Variants in SLC3A1 observed in about 807,000 individuals in gnomAD.
SLC3A1 encodes the protein amino acid transporter heavy chain SLC3A1.
SLC3A1 carries 78 observed loss-of-function variants against 60.3 expected under a neutral mutation model. That is an observed-to-expected ratio of 1.29 (90% CI 1.08 to 1.56). The LOEUF (loss-of-function observed/expected upper bound fraction) is 1.56, where lower values mean the gene tolerates loss of function less well. SLC3A1 is among the 40% of genes most tolerant of loss of function. The probability of loss-of-function intolerance (pLI) is 0.00; values close to 1 mark genes in which losing one functional copy is unlikely to be tolerated. For missense variants in SLC3A1, 1,172 were observed against 858.9 expected, an observed-to-expected ratio of 1.36 and a Z score of -4.56; for synonymous variants, 392 against 307.9, an observed-to-expected ratio of 1.27 and a Z score of -2.86.
In SLC3A1 at chr2:44,313,809, TTTCCCTTTC is replaced by T; in HGVS notation, c.1501-24_1501-16del. ...TTTCTTCTAATAACCAAACCACTGT[TTTCCCTTTC>T]TGGTCTTTTGACATAGAATACCCTT... On this transcript the variant is annotated splice_polypyrimidine_tract_variant and intron_variant, in intron 8 of 9. Transcript: ENST00000260649. 6.5e-7 allele frequency: 1 copy of T among 1,550,230 alleles called. No individual in the cohort carries two copies. The highest frequency in any genetic ancestry group is 8.9e-7 in the Non-Finnish European group (1 of 1,121,748).
At position 44,275,626 on chromosome 2, in the gene SLC3A1, C is replaced by T. The variant is rs938605477; in HGVS notation, c.91C>T (p.Leu31=). The change falls in exon 1 of 10, where the codon CTG becomes TTG. Residue 31 remains leucine (L), a synonymous_variant. Coordinates refer to ENST00000260649, the MANE Select transcript of SLC3A1 (RefSeq NM_000341.4). ...NNGFVHNEDI[L]EQTPDPGSST... ...CGGGTTTGTCCATAATGAAGACATT[C>T]TGGAGCAGACCCCGGATCCAGGAAG... 2 of 1,613,810 alleles carry T rather than the reference C, an allele frequency of 1.2e-6. No homozygotes were observed. The highest frequency in any genetic ancestry group is 1.1e-5 in the South Asian group (1 of 91,052).
chr2:44,320,520 A>G lies in SLC3A1; in HGVS notation c.1939A>G (p.Ile647Val), dbSNP rs1474623011. ...TTTTCTGGACAAGGGAGAGGGACTC[A>G]TCTTTGAACACAACACGAAGAATCT... Reference protein sequence around the residue: ...GIFLDKGEGLIFEHNTKNLLH... With the variant: ...GIFLDKGEGLVFEHNTKNLLH... The change falls in exon 10 of 10, where the codon ATC becomes GTC. Residue 647 changes from isoleucine to valine, a missense_variant. By Grantham distance (29) the Ile-to-Val change is conservative (BLOSUM62 3). Coordinates refer to ENST00000260649, the MANE Select transcript of SLC3A1 (RefSeq NM_000341.4). The G allele has an allele frequency of 8.7e-6, 14 of 1,614,052 alleles. No homozygotes were observed. Among genetic ancestry groups the G allele is most frequent in the Non-Finnish European group, 1.1e-5 (13 of 1,179,986 alleles).
chr2:44,288,539 G>T (rs1671667984), intron 4 of SLC3A1, among the ~76,000 whole-genome samples: 1 of 152,176 alleles, frequency 6.6e-6, no homozygotes, highest in South Asian at 2.1e-4. Flanking sequence ...CCTGGTAGGT[G>T]TCTGTATCTG....
At chr2:44,303,974 C>T (rs1672085387) in intron 6 of SLC3A1, 169 bp from the exon 7 acceptor site, 1 of 693,156 alleles carries the variant, frequency 1.4e-6, no homozygotes, top group African/African-American at 1.8e-5. Context: ...TTAATCCAGT[C>T]TAACATTTGG....
At chr2:44,308,658 A>G (rs539534162) in intron 7 of SLC3A1, among the ~76,000 whole-genome samples, 8 of 152,172 alleles carry the variant, frequency 5.3e-5, no homozygotes, top group Admixed American at 5.2e-4. Context: ...AGATTTGTGT[A>G]TATTGATCTT....
chr2:44,315,700 A>C (rs1475523083), intron 9 of SLC3A1, among the ~76,000 whole-genome samples: 1 of 150,508 alleles, frequency 6.6e-6, no homozygotes, highest in Non-Finnish European at 1.5e-5. Flanking sequence ...TGGGAGTCTA[A>C]AACATACAGG....
At chr2:44,296,589 CT>C (rs1363805811) in intron 4 of SLC3A1, among the ~76,000 whole-genome samples, 2 of 152,164 alleles carry the variant, frequency 1.3e-5, no homozygotes, top group Admixed American at 6.5e-5. Context: ...TTGATTCAAG[CT>C]TCACCATTCA....
intron 9 of SLC3A1, 193 bp from the exon 10 acceptor site, chr2:44,320,006 C>G (rs1672787837): frequency 1.7e-6 from 1 of 587,466 alleles, no homozygotes; most frequent in Non-Finnish European, 3.0e-6. Flanking sequence ...AAGCCGAAAC[C>G]CCGAATTTGT....
At position 44,277,103 on chromosome 2, in the gene SLC3A1, C is replaced by CTTCTTTTTTT. The variant is rs1465413757; in HGVS notation, c.430+1140_430+1141insCTTTTTTTTT. 2.3e-3 allele frequency among the ~76,000 whole-genome samples: 217 copies of CTTCTTTTTTT among 94,776 alleles called. 1 individual carries two copies. Among genetic ancestry groups the CTTCTTTTTTT allele is most frequent in the Non-Finnish European group, 3.8e-3 (170 of 44,734 alleles). The allele number at this position is 94,776 out of a possible 152,430, so 62.2% of individuals were successfully genotyped here. A position where few individuals can be genotyped will look rare whatever the true frequency, so the allele number is the denominator to read the frequency against. On this transcript the variant is annotated intron_variant, in intron 1 of 9. Coordinates refer to ENST00000260649, the MANE Select transcript of SLC3A1 (RefSeq NM_000341.4). ...TCACGCTCCTATCATTCTCTCTCTTCTTTTTTTTTTTTTTTTTTTTTGTGA... is the reference window on the plus strand; with the variant it reads ...TCACGCTCCTATCATTCTCTCTCTTCTTCTTTTTTTTTTTTTTTTTTTTTTTTTTTTGTGA...
At chr2:44,314,139 C>T (rs1325101086) in intron 9 of SLC3A1, 188 bp downstream of exon 9, 7 of 1,365,324 alleles carry the variant, frequency 5.1e-6, no homozygotes, top group East Asian at 5.0e-5. Context: ...CAAACTGGTA[C>T]AAATCTACCA....
Position 44,313,947 on chromosome 2 carries a change from T to C in SLC3A1, c.1613T>C (p.Val538Ala), listed in dbSNP as rs772556641. 4.0e-5 allele frequency: 64 copies of C among 1,613,960 alleles called. No homozygotes were observed. Among genetic ancestry groups the C allele is most frequent in the African/African-American group, 5.3e-5 (4 of 74,940 alleles). ...PTNSDYHTVNVDVQKTQPRSA... is the reference protein window; with the variant it reads ...PTNSDYHTVNADVQKTQPRSA... ...AATTCAGATTACCACACTGTGAATG[T>C]TGATGTAAGTATCAGTGAAAATTTT... is the stretch of plus-strand genomic sequence containing the variant. The change falls in exon 9 of 10, where the codon GTT becomes GCT. Residue 538 changes from valine to alanine, a missense_variant. Coordinates refer to ENST00000260649, the MANE Select transcript of SLC3A1 (RefSeq NM_000341.4).
downstream of SLC3A1, chr2:44,321,778 A>G: frequency 6.2e-7 from 1 of 1,613,704 alleles, no homozygotes; most frequent in Non-Finnish European, 8.5e-7. Context: ...TGAAAACAAC[A>G]TGTATCTAGT....
At chr2:44,281,641 T>C (rs1671502711) in intron 3 of SLC3A1, 100 bp downstream of exon 3, 1 of 1,134,432 alleles carries the variant, frequency 8.8e-7, no homozygotes, top group Admixed American at 1.8e-5. Context: ...TGAATGAATA[T>C]AGTTTATCGG....
chr2:44,296,910 C>T lies in SLC3A1; in HGVS notation c.892-3061C>T, dbSNP rs766937871. Among the ~76,000 whole-genome samples the T allele has an allele frequency of 2.0e-5, 3 of 152,280 alleles. No homozygotes were observed. The South Asian group carries it at 6.2e-4, about 32-fold the overall frequency. On this transcript the variant is annotated intron_variant, in intron 4 of 9. Coordinates refer to ENST00000260649, the MANE Select transcript of SLC3A1 (RefSeq NM_000341.4). ...GTGGGAGTTCTTCTGCACAAACTCT[C>T]TCGCCTGCTGTCATGTAAGATGTGA...
intron 6 of SLC3A1, among the ~76,000 whole-genome samples, chr2:44,302,871 A>T (rs1672049919): frequency 6.6e-6 from 1 of 152,200 alleles, no homozygotes; most frequent in Non-Finnish European, 1.5e-5. Context: ...TTTTGATTCT[A>T]GGAGATTATT....
At chr2:44,319,466 C>T (rs1350273475) in intron 9 of SLC3A1, 5 of 152,142 alleles carry the variant, frequency 3.3e-5, no homozygotes, top group South Asian at 2.1e-4. Flanking sequence ...ATGGTACAAC[C>T]GTTCAACAGA....
chr2:44,305,814 C>T (rs932659842), intron 7 of SLC3A1, among the ~76,000 whole-genome samples: 2 of 152,168 alleles, frequency 1.3e-5, no homozygotes, highest in South Asian at 2.1e-4. Flanking sequence ...ATCTCTACCA[C>T]CTTAGACTGT....
intron 3 of SLC3A1, among the ~76,000 whole-genome samples, chr2:44,284,391 A>G (rs1252224697): frequency 1.3e-5 from 2 of 152,108 alleles, no homozygotes; most frequent in Non-Finnish European, 2.9e-5. Flanking sequence ...GGCTTCTTTT[A>G]GGTAAATAAC....
At chr2:44,314,010 A>C (rs1672362764) in intron 9 of SLC3A1, 59 bp downstream of exon 9, 1 of 1,610,136 alleles carries the variant, frequency 6.2e-7, no homozygotes, top group South Asian at 1.1e-5. Flanking sequence ...GTTTCTACTG[A>C]AAGTACACAC....
Sources: allele counts gnomAD v4.1 joint callset (sites outside exome capture counted in the v4.1 genomes callset), GRCh38; gene constraint gnomAD v4.1.1; transcripts MANE v1.5; gene names NCBI Gene and HGNC (gene_info 2026-07-23, HGNC 2026-07-21).